PRPF8: variants seen among roughly 807,000 people sequenced by gnomAD.
PRPF8 encodes pre-mRNA processing factor 8.
Under a neutral mutation model 285.9 loss-of-function variants are expected in PRPF8, and 64 were observed. That is an observed-to-expected ratio of 0.22 (90% CI 0.18 to 0.28). The LOEUF is 0.28. Ranked by LOEUF, PRPF8 falls within the 10% of genes least tolerant of loss-of-function variation. The probability of loss-of-function intolerance (pLI) is 1.00; values close to 1 mark genes in which losing one functional copy is unlikely to be tolerated. For synonymous variants in PRPF8, 1,325 were observed against 1,118.2 expected (o/e 1.18, Z -3.69); for missense variants, 1,426 against 3,026.7 (o/e 0.47, Z 12.41).
intron 34 of PRPF8, among the ~76,000 whole-genome samples, chr17:1,657,481 TAAAAATACA>T (rs1294907867): frequency 4.6e-5 from 7 of 151,100 alleles, no homozygotes; most frequent in African/African-American, 1.7e-4. Context: ...CCGTCTCTAC[TAAAAATACA>T]AAAAATTTAG....
rs1460198025 is a variant in PRPF8, at chr17:1,656,628, A to G, written c.5619+20T>C. The G allele has an allele frequency of 1.2e-6, 2 of 1,613,258 alleles. No homozygotes were observed. Among genetic ancestry groups the G allele is most frequent in the Admixed American group, 1.7e-5 (1 of 59,892 alleles). Reference sequence around the variant, plus strand: ...AAGGTCTCAAGGTCTCTTTTCTCCTACCCCACCCCACCCTCTTACCTCCAG... The same window carrying G: ...AAGGTCTCAAGGTCTCTTTTCTCCTGCCCCACCCCACCCTCTTACCTCCAG... On this transcript the variant is annotated intron_variant, in intron 35 of 42. Coordinates refer to ENST00000304992, the MANE Select transcript of PRPF8 (RefSeq NM_006445.4).
rs1307410930 is a variant in PRPF8, at chr17:1,679,451, C to G, written c.1290-41G>C. On this transcript the variant is annotated intron_variant, in intron 9 of 42. Coordinates refer to ENST00000304992, the MANE Select transcript of PRPF8 (RefSeq NM_006445.4). The surrounding 1 kb of genome is among the most constrained non-coding windows in gnomAD (Gnocchi z 4.7). Reference sequence around the variant, plus strand: ...CACCAGAGTTTGGCCATCTCTTCTTCCAGACACTCTGCTAAAGGCTGCAAG... The same window carrying G: ...CACCAGAGTTTGGCCATCTCTTCTTGCAGACACTCTGCTAAAGGCTGCAAG... 2 of 1,611,942 alleles carry G rather than the reference C, an allele frequency of 1.2e-6. No individual in the cohort carries two copies. Among genetic ancestry groups the G allele is most frequent in the East Asian group, 2.2e-5 (1 of 44,874 alleles).
chr17:1,661,225 G>C lies in PRPF8; in HGVS notation c.4338+46C>G. 1 of 1,614,106 alleles carries C rather than the reference G, an allele frequency of 6.2e-7. No homozygotes were observed. The highest frequency in any genetic ancestry group is 1.7e-5 in the Admixed American group (1 of 60,014). Reference sequence around the variant, plus strand: ...CCTATTGCCCCAAGTTTCGGGGATAGCCATGGATTTTCCTGACTCAGGGAA... The same window carrying C: ...CCTATTGCCCCAAGTTTCGGGGATACCCATGGATTTTCCTGACTCAGGGAA... On this transcript the variant is annotated intron_variant, in intron 27 of 42. Transcript: ENST00000304992. The surrounding 1 kb of genome is among the most constrained non-coding windows in gnomAD (Gnocchi z 7.3).
Position 1,684,488 on chromosome 17 carries a change from C to T in PRPF8, c.84G>A (p.Glu28=). The change falls in exon 2 of 43, where the codon GAG becomes GAA. Residue 28 remains glutamate (E), a synonymous_variant. Transcript: ENST00000304992. ...TCGCCTCACCTTTCTCCTGCAGCTT[C>T]TCCTCCGACATGTAGTCCGGTAGCG... ...LAPLPDYMSE[E]KLQEKARKWQ... The T allele has an allele frequency of 1.2e-6, 2 of 1,612,698 alleles. No homozygotes were observed. Among genetic ancestry groups the T allele is most frequent in the Non-Finnish European group, 1.7e-6 (2 of 1,179,764 alleles).
chr17:1,684,734 C>A, intron 1 of PRPF8, 46 bp downstream of exon 1: 3 of 695,682 alleles, frequency 4.3e-6, no homozygotes, highest in Non-Finnish European at 7.6e-6. Flanking sequence ...CTCGGCCCGA[C>A]CCGACCACGC....
intron 24 of PRPF8, among the ~76,000 whole-genome samples, chr17:1,668,351 ATTCT>A (rs1178353375): frequency 3.8e-5 from 5 of 132,102 alleles, no homozygotes; most frequent in African/African-American, 1.1e-4. Context: ...GGGGTCTAGC[ATTCT>A]TTTTTTTTTT....
chr17:1,667,671 G>C (rs1435883736), intron 24 of PRPF8, among the ~76,000 whole-genome samples: 2 of 151,300 alleles, frequency 1.3e-5, no homozygotes, highest in Admixed American at 1.3e-4. Context: ...AGTCTCCAGA[G>C]TAGCTGGGAC....
chr17:1,657,738 G>A (rs1475752482), intron 34 of PRPF8, among the ~76,000 whole-genome samples: 2 of 146,702 alleles, frequency 1.4e-5, no homozygotes, highest in African/African-American at 5.4e-5. Context: ...AGAGGCAGAG[G>A]CAGGCAGATC....
chr17:1,657,047 G>C (rs1446996998), intron 34 of PRPF8, among the ~76,000 whole-genome samples: 1 of 152,112 alleles, frequency 6.6e-6, no homozygotes, highest in Non-Finnish European at 1.5e-5. Context: ...ACTAGGATCA[G>C]AAAAAAGCTG....
chr17:1,672,136 G>A (rs773173716), intron 24 of PRPF8, among the ~76,000 whole-genome samples: 3 of 152,288 alleles, frequency 2.0e-5, no homozygotes, highest in Admixed American at 6.5e-5. Context: ...ATAACAGAAC[G>A]TATCCTTAAC....
chr17:1,663,710 CAAAAAAAAAAAAAAA>C (rs58454297), intron 24 of PRPF8, among the ~76,000 whole-genome samples: 7 of 17,112 alleles, frequency 4.1e-4, no homozygotes, highest in South Asian at 7.3e-3. Flanking sequence ...GACTCCATCT[CAAAAAAAAAAAAAAA>C]AAAAAAAAAA....
At position 1,675,407 on chromosome 17, in the gene PRPF8, T is replaced by C; in HGVS notation, c.2873-68A>G. 1.3e-6 allele frequency: 2 copies of C among 1,561,920 alleles called. No homozygotes were observed. The highest frequency in any genetic ancestry group is 1.1e-5 in the South Asian group (1 of 90,044). On this transcript the variant is annotated intron_variant, in intron 19 of 42. Transcript: ENST00000304992. This position sits in a 1 kb window ranked among gnomAD's most constrained non-coding sequence, Gnocchi z 6.0. ...CTTGCAAGACTAGCCCCACAGGAAC[T>C]ATCATTACCTTCCATAACCAATCCC...
chr17:1,683,428 T>C (rs555773121), intron 3 of PRPF8, 105 bp downstream of exon 3: 1 of 1,295,412 alleles, frequency 7.7e-7, no homozygotes, highest in Admixed American at 1.7e-5. Flanking sequence ...TCCTTTCTCT[T>C]ATATCCACCA....
In PRPF8 at chr17:1,659,061, T is replaced by G; in HGVS notation, c.5138+296A>C. 1 of 551,598 alleles carries G rather than the reference T, an allele frequency of 1.8e-6. No homozygotes were observed. 34.2% of individuals were successfully genotyped at this position (551,598 alleles called of 1,614,324 possible). A position where few individuals can be genotyped will look rare whatever the true frequency, so the allele number is the denominator to read the frequency against. On this transcript the variant is annotated intron_variant, in intron 32 of 42. Coordinates refer to ENST00000304992, the MANE Select transcript of PRPF8 (RefSeq NM_006445.4). The surrounding 1 kb of genome is among the most constrained non-coding windows in gnomAD (Gnocchi z 5.1). Reference sequence around the variant, plus strand: ...TTTTCTTTGAGATGGAGTCTCACTCTGTCGCCCAGGCTGGAGTGCAGTGGC... The same window carrying G: ...TTTTCTTTGAGATGGAGTCTCACTCGGTCGCCCAGGCTGGAGTGCAGTGGC...
chr17:1,660,046 A>G lies in PRPF8; in HGVS notation c.4786-45T>C, dbSNP rs563174575. The G allele has an allele frequency of 5.4e-4, 862 of 1,591,956 alleles. 8 individuals are homozygous for G. The South Asian group carries it at 6.2e-3, about 12-fold the overall frequency. On this transcript the variant is annotated intron_variant, in intron 30 of 42. Coordinates refer to ENST00000304992, the MANE Select transcript of PRPF8 (RefSeq NM_006445.4). ...GATTAAGACTTGTTAAGGAAGCCCAATTAAAATCAGAGTTTGTACAATAAG... is the reference window on the plus strand; with the variant it reads ...GATTAAGACTTGTTAAGGAAGCCCAGTTAAAATCAGAGTTTGTACAATAAG...
In PRPF8 at chr17:1,651,025, C is replaced by A. The variant is rs1374611930; in HGVS notation, c.6854-69G>T. ...TCATGCAGCCTGCGCCACCTCCAAG[C>A]CAGCCAGGCCCCAAGTGCAAAGGGC... On this transcript the variant is annotated intron_variant, in intron 42 of 42. Coordinates refer to ENST00000304992, the MANE Select transcript of PRPF8 (RefSeq NM_006445.4). This position sits in a 1 kb window ranked among gnomAD's most constrained non-coding sequence, Gnocchi z 5.1. 1 of 1,613,988 alleles carries A rather than the reference C, an allele frequency of 6.2e-7. No homozygotes were observed. The highest frequency in any genetic ancestry group is 8.5e-7 in the Non-Finnish European group (1 of 1,179,828).
At chr17:1,660,227 C>G (rs1567679242) in intron 30 of PRPF8, among the ~76,000 whole-genome samples, 4 of 152,140 alleles carry the variant, frequency 2.6e-5, no homozygotes, top group Non-Finnish European at 4.4e-5. Flanking sequence ...TCCACCTAAG[C>G]TGACTCTGTA....
At position 1,677,468 on chromosome 17, in the gene PRPF8, G is replaced by C. The variant is rs144780030; in HGVS notation, c.1984+97C>G. ...ACTGGACCTAAAGGCAATCCAGTAG[G>C]AAGAGTGCTCATACAAGAGCAGGGA... On this transcript the variant is annotated intron_variant, in intron 14 of 42. Coordinates refer to ENST00000304992, the MANE Select transcript of PRPF8 (RefSeq NM_006445.4). 2.6e-5 allele frequency: 40 copies of C among 1,563,720 alleles called. No homozygotes were observed. In the East Asian group the frequency reaches 5.2e-4, roughly 20 times the overall value.
At chr17:1,665,769 T>A (rs752573274) in intron 24 of PRPF8, among the ~76,000 whole-genome samples, 8 of 132,970 alleles carry the variant, frequency 6.0e-5, no homozygotes, top group Non-Finnish European at 1.1e-4. Context: ...TCGCTTGAAC[T>A]CAGAGGGCGG....
Sources: gnomAD v4.1 joint callset for allele counts (sites outside exome capture counted in the v4.1 genomes callset) on GRCh38, gnomAD v4.1.1 for gene constraint, Gnocchi (gnomAD v3.1) non-coding constraint, MANE v1.5 for transcripts, NCBI Gene and HGNC (gene_info 2026-07-23, HGNC 2026-07-21) for gene names.